Variants in DNAH17 observed in about 807,000 individuals in gnomAD.
DNAH17 encodes the protein axonemal beta dynein heavy chain 17.
A neutral mutation model predicts 485.6 loss-of-function variants in DNAH17; 376 were observed. The observed-to-expected ratio is 0.77, with a 90% CI of 0.71 to 0.84. The LOEUF is 0.84. Ranked by LOEUF, DNAH17 falls within the 40% of genes least tolerant of loss-of-function variation. The pLI, the probability that DNAH17 is intolerant of heterozygous loss-of-function variation, is 0.00. For missense variants in DNAH17, 6,370 were observed against 5,839.3 expected, an observed-to-expected ratio of 1.09 and a Z score of -2.96; for synonymous variants, 3,031 against 2,405.9, an observed-to-expected ratio of 1.26 and a Z score of -7.60.
At chr17:78,444,172 A>G (rs2087182675) in intron 71 of DNAH17, among the ~76,000 whole-genome samples, 1 of 152,190 alleles carries the variant, frequency 6.6e-6, no homozygotes, top group Non-Finnish European at 1.5e-5. Context: ...TTTCTCCCTC[A>G]AAACATCTTA....
intron 13 of DNAH17, among the ~76,000 whole-genome samples, chr17:78,558,499 A>ATGGGTGGATGACATCG (rs2092078228): frequency 6.6e-6 from 1 of 151,002 alleles, no homozygotes; most frequent in East Asian, 1.9e-4. Flanking sequence ...GGATGACATC[A>ATGGGTGGATGACATCG]CCCTCATGGG....
Position 78,434,286 on chromosome 17 carries a change from G to A in DNAH17, c.12034-66C>T, listed in dbSNP as rs2086789813. 5 of 1,494,002 alleles carry A rather than the reference G, an allele frequency of 3.3e-6. No individual in the cohort carries two copies. The Admixed American group carries it at 9.7e-5, about 29-fold the overall frequency. The allele number at this position is 1,494,002 out of a possible 1,614,324, so 92.5% of individuals were successfully genotyped here. A position where few individuals can be genotyped will look rare whatever the true frequency, so the allele number is the denominator to read the frequency against. ...GAAGTTTACACAGAAATGCCCCTGA[G>A]GGTGACCAGCGTCCAGCCCTTGCCA... is the stretch of plus-strand genomic sequence containing the variant. On this transcript the variant is annotated intron_variant, in intron 74 of 80. Transcript: ENST00000389840.
At chr17:78,549,548 A>G (rs989460995) in intron 16 of DNAH17, among the ~76,000 whole-genome samples, 1 of 152,122 alleles carries the variant, frequency 6.6e-6, no homozygotes, top group Non-Finnish European at 1.5e-5. Context: ...AGACCCAACT[A>G]CCGGGCTTCA....
chr17:78,425,574 G>T lies in DNAH17; in HGVS notation c.12916-3C>A. ...TCTGTCGTCCAGGCCTCGAGTTCCT[G>T]CAAGGACACACGAGCCGCTAGGAGG... On this transcript the variant is annotated splice_polypyrimidine_tract_variant and splice_region_variant and intron_variant, in intron 79 of 80. Transcript: ENST00000389840. 1 of 1,602,250 alleles carries T rather than the reference G, an allele frequency of 6.2e-7. No homozygotes were observed. Among genetic ancestry groups the T allele is most frequent in the East Asian group, 2.2e-5 (1 of 44,446 alleles).
intron 66 of DNAH17, among the ~76,000 whole-genome samples, 183 bp downstream of exon 66, chr17:78,451,286 G>A (rs1356396539): frequency 1.3e-5 from 2 of 152,236 alleles, no homozygotes; most frequent in Non-Finnish European, 2.9e-5. Context: ...GACAGCTGGG[G>A]AAGGAAATGA....
At chr17:78,444,197 G>C (rs1377164890) in intron 71 of DNAH17, among the ~76,000 whole-genome samples, 3 of 152,196 alleles carry the variant, frequency 2.0e-5, no homozygotes, top group African/African-American at 7.2e-5. Flanking sequence ...GACCCCATTT[G>C]TATGGCCTCA....
chr17:78,557,971 G>T, intron 14 of DNAH17, 137 bp downstream of exon 14: 1 of 1,108,254 alleles, frequency 9.0e-7, no homozygotes, highest in Non-Finnish European at 1.3e-6. Flanking sequence ...TAAGTATGCA[G>T]TGAATGGAAG....
At chr17:78,558,928 G>A (rs8065523) in intron 13 of DNAH17, among the ~76,000 whole-genome samples, 22,139 of 152,050 alleles carry the variant, frequency 0.15, 1,804 homozygotes, top group East Asian at 0.32. Flanking sequence ...TCGCCCAGCC[G>A]CTGGCACTCT....
chr17:78,455,895 C>G, intron 62 of DNAH17, 59 bp from the exon 63 acceptor site: 1 of 1,395,992 alleles, frequency 7.2e-7, no homozygotes, highest in Non-Finnish European at 9.6e-7. Context: ...CTGGACCAGA[C>G]AAGCCTCCAC....
At position 78,486,341 on chromosome 17, in the gene DNAH17, C is replaced by G; in HGVS notation, c.6984G>C (p.Leu2328=). ...TCTTCTCCGTGAGCAGGCACTCCAGCAGGTACAGAATCGTTTGGATCACCG... is the reference window on the plus strand; with the variant it reads ...TCTTCTCCGTGAGCAGGCACTCCAGGAGGTACAGAATCGTTTGGATCACCG... The part of the protein sequence containing the change: ...EITVIQTILY[L]LECLLTEKTV... The change falls in exon 45 of 81, where the codon CTG becomes CTC. Residue 2328 remains leucine, a synonymous_variant. Transcript: ENST00000389840. 1 of 1,613,838 alleles carries G rather than the reference C, an allele frequency of 6.2e-7. No individual in the cohort carries two copies. Among genetic ancestry groups the G allele is most frequent in the Non-Finnish European group, 8.5e-7 (1 of 1,179,808 alleles).
At chr17:78,564,329 G>A (rs1489371409) in intron 11 of DNAH17, among the ~76,000 whole-genome samples, 1 of 152,116 alleles carries the variant, frequency 6.6e-6, no homozygotes, top group Non-Finnish European at 1.5e-5. Flanking sequence ...AGACTCTGGG[G>A]ACTCATCTGG....
intron 37 of DNAH17, among the ~76,000 whole-genome samples, chr17:78,496,426 T>C (rs1367969267): frequency 2.1e-5 from 3 of 143,840 alleles, no homozygotes; most frequent in African/African-American, 7.7e-5. Flanking sequence ...GATGGGAACA[T>C]CTTGCCTAAT....
chr17:78,507,847 A>G, intron 27 of DNAH17, 42 bp from the exon 28 acceptor site: 1 of 1,475,088 alleles, frequency 6.8e-7, no homozygotes, highest in Non-Finnish European at 9.0e-7. Flanking sequence ...AGCATTTGGC[A>G]TGCAAAGCTC....
rs772911339 is a variant in DNAH17, at chr17:78,527,000, C to A, written c.3508-4G>T. 6 of 1,565,764 alleles carry A rather than the reference C, an allele frequency of 3.8e-6. No homozygotes were observed. In the African/African-American group the frequency reaches 5.4e-5, roughly 14 times the overall value. ...TTGCCCAGTGCTCCGGCAGCTCCTG[C>A]GGGAAGCAAAGGCAGAGGAGGGCTC... is the stretch of plus-strand genomic sequence containing the variant. On this transcript the variant is annotated splice_region_variant and splice_polypyrimidine_tract_variant and intron_variant, in intron 22 of 80. Transcript: ENST00000389840.
In DNAH17 at chr17:78,513,021, C is replaced by T. The variant is rs190883925; in HGVS notation, c.4113+1753G>A. On this transcript the variant is annotated intron_variant, in intron 26 of 80. Coordinates refer to ENST00000389840, the MANE Select transcript of DNAH17 (RefSeq NM_173628.4). ...AGCCCAGAGGAAGGGGAGGAATCTACACAATGCACCTTACTGAAGCTCACC... is the reference window on the plus strand; with the variant it reads ...AGCCCAGAGGAAGGGGAGGAATCTATACAATGCACCTTACTGAAGCTCACC... 6.6e-5 allele frequency among the ~76,000 whole-genome samples: 10 copies of T among 150,404 alleles called. No homozygotes were observed. The East Asian group carries it at 2.0e-3, about 30-fold the overall frequency.
intron 77 of DNAH17, among the ~76,000 whole-genome samples, chr17:78,428,154 C>T (rs1235435158): frequency 6.6e-6 from 1 of 152,156 alleles, no homozygotes; most frequent in Non-Finnish European, 1.5e-5. Flanking sequence ...CTGCCCGGTG[C>T]GAGCTGCTAC....
At position 78,486,324 on chromosome 17, in the gene DNAH17, G is replaced by C. The variant is rs148973316; in HGVS notation, c.7001C>G (p.Thr2334Arg). 1 of 1,613,658 alleles carries C rather than the reference G, an allele frequency of 6.2e-7. No individual in the cohort carries two copies. Among genetic ancestry groups the C allele is most frequent in the Non-Finnish European group, 8.5e-7 (1 of 1,179,690 alleles). ...GGAGTCGGGGGGCACGGTCTTCTCC[G>C]TGAGCAGGCACTCCAGCAGGTACAG... Reference protein sequence around the residue: ...TILYLLECLLTEKTVPPDSPR... With the variant: ...TILYLLECLLREKTVPPDSPR... The change falls in exon 45 of 81, where the codon ACG (threonine) becomes AGG (arginine). Residue 2334 changes from threonine (T) to arginine (R), a missense_variant. Transcript: ENST00000389840.
chr17:78,527,342 T>C (rs1028832465), intron 22 of DNAH17, among the ~76,000 whole-genome samples: 2 of 152,064 alleles, frequency 1.3e-5, no homozygotes, highest in Admixed American at 6.5e-5. Context: ...AGCAAGATTG[T>C]ACCACTGCAC....
chr17:78,432,902 G>GGCC (rs768290071), intron 75 of DNAH17, among the ~76,000 whole-genome samples: 1 of 61,370 alleles, frequency 1.6e-5, no homozygotes, highest in Non-Finnish European at 2.8e-5. Flanking sequence ...CTTCAAACGT[G>GGCC]CCCCCCCCCC....
Sources: gnomAD v4.1 joint callset for allele counts (sites outside exome capture counted in the v4.1 genomes callset) on GRCh38, gnomAD v4.1.1 for gene constraint, MANE v1.5 for transcripts, NCBI Gene and HGNC (gene_info 2026-07-23, HGNC 2026-07-21) for gene names.